The following NRDC variants were observed in gnomAD, a reference collection of about 807,000 sequenced individuals.
NRDC encodes nardilysin convertase.
Under a neutral mutation model 147.1 loss-of-function variants are expected in NRDC, and 54 were observed. That is an observed-to-expected ratio of 0.37 (90% CI 0.29 to 0.46). NRDC has a LOEUF of 0.46. Ranked by LOEUF, NRDC falls within the 20% of genes least tolerant of loss-of-function variation. The pLI is 1.00. For missense variants in NRDC, 1,082 were observed against 1,370.6 expected (o/e 0.79, Z 3.33); for synonymous variants, 440 against 482.1 (o/e 0.91, Z 1.14).
intron 22 of NRDC, among the ~76,000 whole-genome samples, chr1:51,796,838 G>A (rs867543127): frequency 5.5e-4 from 76 of 137,426 alleles, no homozygotes; most frequent in Admixed American, 1.4e-3. Context: ...CGCCCACCTC[G>A]GCCTCCCAAA....
At position 51,805,552 on chromosome 1, in the gene NRDC, C is replaced by T. The variant is rs758204654; in HGVS notation, c.2120G>A (p.Arg707His). Reference protein sequence around the residue: ...NKFKIPKAYIRFHLISPLIQK... With the variant: ...NKFKIPKAYIHFHLISPLIQK... ...TATCAACGGTGAAATTAGATGGAAA[C>T]GTATATATGCTAAAAGAAAAAAGAC... The change falls in exon 19 of 31, where the codon CGT (arginine) becomes CAT (histidine). Residue 707 changes from arginine to histidine, a missense_variant. By Grantham distance (29) the Arg-to-His change is conservative (BLOSUM62 0). Transcript: ENST00000352171. 5.1e-6 allele frequency: 8 copies of T among 1,577,698 alleles called. No homozygotes were observed. Among genetic ancestry groups the T allele is most frequent in the Non-Finnish European group, 5.1e-6 (6 of 1,166,998 alleles).
chr1:51,796,957 T>C (rs956332646), intron 22 of NRDC, among the ~76,000 whole-genome samples: 1 of 149,280 alleles, frequency 6.7e-6, no homozygotes, highest in African/African-American at 2.4e-5. Context: ...TCCCAGCACT[T>C]TGGGAGGCCG....
At position 51,832,400 on chromosome 1, in the gene NRDC, G is replaced by A. The variant is rs374339122; in HGVS notation, c.866+1617C>T. Among the ~76,000 whole-genome samples the A allele has an allele frequency of 1.2e-4, 19 of 152,106 alleles. No individual in the cohort carries two copies. In the South Asian group the frequency reaches 2.9e-3, roughly 23 times the overall value. On this transcript the variant is annotated intron_variant, in intron 4 of 30. Transcript: ENST00000352171. ...TCATGTTTAAAAAAAATTTTTTTTG[G>A]TCATTTATCTTTTGATTTTATGGTA...
chr1:51,792,816 AATGAAT>A (rs1014748852), intron 24 of NRDC, among the ~76,000 whole-genome samples: 2 of 126,118 alleles, frequency 1.6e-5, no homozygotes, highest in Non-Finnish European at 1.8e-5. Flanking sequence ...GAGGAGAGAA[AATGAAT>A]AGTGCCACAC....
At chr1:51,860,821 T>C (rs1682493383) in intron 1 of NRDC, among the ~76,000 whole-genome samples, 5 of 152,246 alleles carry the variant, frequency 3.3e-5, no homozygotes, top group Admixed American at 3.3e-4. Context: ...AGAGAGATAG[T>C]GTGGGACACT....
intron 1 of NRDC, among the ~76,000 whole-genome samples, chr1:51,863,070 A>C (rs1682632735): frequency 6.7e-6 from 1 of 149,344 alleles, no homozygotes; most frequent in Non-Finnish European, 1.5e-5. Flanking sequence ...AGAAAATTTA[A>C]AACAAAGTAT....
intron 4 of NRDC, among the ~76,000 whole-genome samples, chr1:51,831,741 G>A (rs1281558382): frequency 6.6e-6 from 1 of 151,492 alleles, no homozygotes; most frequent in Non-Finnish European, 1.5e-5. Flanking sequence ...ACCACACCCA[G>A]CTAATTTTTG....
intron 10 of NRDC, among the ~76,000 whole-genome samples, chr1:51,816,634 T>C (rs983853569): frequency 6.6e-6 from 1 of 152,208 alleles, no homozygotes; most frequent in African/African-American, 2.4e-5. Flanking sequence ...GGCACTACTT[T>C]TTCTCTTGGA....
intron 1 of NRDC, among the ~76,000 whole-genome samples, chr1:51,858,806 ACTGGCTATC>A (rs1682388255): frequency 1.3e-5 from 2 of 152,206 alleles, no homozygotes; most frequent in African/African-American, 4.8e-5. Flanking sequence ...CTGGCATTTA[ACTGGCTATC>A]CTGAAACTCT....
intron 1 of NRDC, among the ~76,000 whole-genome samples, chr1:51,869,483 AAT>A (rs1427740471): frequency 2.0e-5 from 3 of 152,232 alleles, no homozygotes; most frequent in East Asian, 1.9e-4. Context: ...ATATAACAGT[AAT>A]GTTTTTTCCT....
chr1:51,833,334 A>G (rs962416722), intron 4 of NRDC, among the ~76,000 whole-genome samples: 7 of 151,732 alleles, frequency 4.6e-5, no homozygotes, highest in African/African-American at 1.2e-4. Context: ...GCGGTGGCAC[A>G]TTCAGCCTGG....
At position 51,806,880 on chromosome 1, in the gene NRDC, G is replaced by C; in HGVS notation, c.2024C>G (p.Pro675Arg). ...TDFTLKAFDC[P>R]ETEYPVKIVN... is the part of the protein sequence containing the mutation. ...AATTTTAACTGGGTATTCTGTTTCC[G>C]GGCAATCGAAAGCCTTCAACGTAAA... Residue 675 changes from proline to arginine, a missense_variant, in exon 18 of 31, where the codon CCG (proline) becomes CGG (arginine). Transcript: ENST00000352171. 6.2e-7 allele frequency: 1 copy of C among 1,613,716 alleles called. No individual in the cohort carries two copies.
intron 1 of NRDC, among the ~76,000 whole-genome samples, chr1:51,853,074 A>T (rs143525416): frequency 0.041 from 6,165 of 152,040 alleles, 172 homozygotes; most frequent in Non-Finnish European, 0.059. Flanking sequence ...ATACAAAAAA[A>T]TTAGCCAGAT....
chr1:51,806,453 A>G (rs552175746), intron 18 of NRDC, among the ~76,000 whole-genome samples: 41 of 152,342 alleles, frequency 2.7e-4, no homozygotes, highest in African/African-American at 9.6e-4. Flanking sequence ...TTTCCTGGAC[A>G]CTGGAGTGTC....
At chr1:51,829,156 C>T (rs1299130799) in intron 4 of NRDC, among the ~76,000 whole-genome samples, 5 of 152,106 alleles carry the variant, frequency 3.3e-5, no homozygotes, top group Admixed American at 6.6e-5. Flanking sequence ...TTGAACTCCC[C>T]AGGCTCAGGT....
chr1:51,848,859 C>A (rs1209736351), intron 1 of NRDC, among the ~76,000 whole-genome samples: 1 of 152,138 alleles, frequency 6.6e-6, no homozygotes, highest in Non-Finnish European at 1.5e-5. Context: ...CAAAAAAGGT[C>A]TGTTATTTGC....
At chr1:51,870,476 C>G (rs1358141403) in intron 1 of NRDC, among the ~76,000 whole-genome samples, 1 of 152,188 alleles carries the variant, frequency 6.6e-6, no homozygotes, top group Non-Finnish European at 1.5e-5. Context: ...GTATACACTT[C>G]ACCCATTTTC....
intron 24 of NRDC, among the ~76,000 whole-genome samples, chr1:51,793,071 A>G (rs926154729): frequency 1.3e-5 from 2 of 152,190 alleles, no homozygotes; most frequent in African/African-American, 4.8e-5. Flanking sequence ...GGAAGAGGCT[A>G]ATGCCTATGT....
intron 21 of NRDC, chr1:51,798,744 A>T (rs1295670136): frequency 2.7e-5 from 5 of 182,192 alleles, no homozygotes; most frequent in Non-Finnish European, 5.8e-5. Flanking sequence ...TTTGGTTTGA[A>T]ATCTCACTAA....
Sources: gnomAD v4.1 joint callset for allele counts (sites outside exome capture counted in the v4.1 genomes callset) on GRCh38, gnomAD v4.1.1 for gene constraint, MANE v1.5 for transcripts, NCBI Gene and HGNC (gene_info 2026-07-23, HGNC 2026-07-21) for gene names.